SKA2: variants seen among roughly 807,000 people sequenced by gnomAD.
SKA2 encodes the protein spindle and kinetochore-associated protein 2.
In SKA2, 13 loss-of-function variants were observed where a neutral mutation model predicts 16.9. The ratio of observed to expected loss-of-function variants is 0.77; its 90% CI spans 0.50 to 1.22. The LOEUF (loss-of-function observed/expected upper bound fraction) is 1.22, where lower values mean the gene tolerates loss of function less well. SKA2 is among the 50% of genes most tolerant of loss of function. SKA2 has a pLI of 0.00. For missense variants in SKA2, 107 were observed against 139.7 expected, an observed-to-expected ratio of 0.77 and a Z score of 1.18; for synonymous variants, 47 against 48.5, an observed-to-expected ratio of 0.97 and a Z score of 0.13.
chr17:59,143,720 G>A lies in SKA2; in HGVS notation c.33+11411C>T, dbSNP rs554553170. Among the ~76,000 whole-genome samples, 20 of 151,868 alleles carry A rather than the reference G, an allele frequency of 1.3e-4. No homozygotes were observed. The South Asian group carries it at 3.3e-3, about 25-fold the overall frequency. On this transcript the variant is annotated intron_variant, in intron 1 of 3. Transcript: ENST00000330137. ...ACTCCTGACCTCAGGTGATCCTCTC[G>A]CCACGGCCTCCCAAATGCTGCGATT... is the stretch of plus-strand genomic sequence containing the variant.
intron 1 of SKA2, among the ~76,000 whole-genome samples, chr17:59,152,160 A>G (rs1189763679): frequency 6.6e-6 from 1 of 152,228 alleles, no homozygotes; most frequent in Non-Finnish European, 1.5e-5. Flanking sequence ...CCACGAAAGA[A>G]CAAAGCTAAA....
At chr17:59,151,205 G>A in intron 1 of SKA2, 1 of 510,368 alleles carries the variant, frequency 2.0e-6, no homozygotes, top group South Asian at 1.5e-5. Flanking sequence ...AATAAAGTCA[G>A]AGCATTCGTT....
intron 3 of SKA2, among the ~76,000 whole-genome samples, chr17:59,114,335 C>T (rs1232144152): frequency 6.6e-6 from 1 of 152,194 alleles, no homozygotes; most frequent in African/African-American, 2.4e-5. Context: ...CTGAGAAATG[C>T]ATCGTTAGGC....
rs143332002 is a variant in SKA2 at position 59,150,669 on chromosome 17, G to A, written c.33+4462C>T. 1.4e-3 allele frequency among the ~76,000 whole-genome samples: 209 copies of A among 152,226 alleles called. 5 individuals are homozygous for A. The East Asian group carries it at 0.035, about 25-fold the overall frequency. On this transcript the variant is annotated intron_variant, in intron 1 of 3. Transcript: ENST00000330137. ...AGGAGGGAGGATTATCTAAGCCCGGGAGTACAAGGCTGCAGTGAGGTGTAA... is the reference window on the plus strand; with the variant it reads ...AGGAGGGAGGATTATCTAAGCCCGGAAGTACAAGGCTGCAGTGAGGTGTAA...
intron 2 of SKA2, among the ~76,000 whole-genome samples, chr17:59,124,736 G>A (rs954434991): frequency 2.0e-5 from 3 of 152,128 alleles, no homozygotes; most frequent in African/African-American, 4.8e-5. Flanking sequence ...TGGCCATAGA[G>A]CTAAAAGAGA....
intron 1 of SKA2, among the ~76,000 whole-genome samples, chr17:59,142,254 G>C (rs1008841147): frequency 6.6e-6 from 1 of 150,792 alleles, no homozygotes; most frequent in Non-Finnish European, 1.5e-5. Context: ...GTTATTGCAC[G>C]AATATTCAGA....
At chr17:59,133,618 G>A (rs1016433058) in intron 1 of SKA2, among the ~76,000 whole-genome samples, 2 of 152,146 alleles carry the variant, frequency 1.3e-5, no homozygotes, top group African/African-American at 4.8e-5. Flanking sequence ...GTATATAAAA[G>A]GTTCTATTAG....
At chr17:59,141,464 G>T (rs1356380294) in intron 1 of SKA2, among the ~76,000 whole-genome samples, 1 of 151,970 alleles carries the variant, frequency 6.6e-6, no homozygotes, top group Non-Finnish European at 1.5e-5. Flanking sequence ...AGTGGCTCAG[G>T]CCTGTAATCC....
chr17:59,126,467 T>C (rs1229552405), intron 2 of SKA2, among the ~76,000 whole-genome samples: 1 of 152,160 alleles, frequency 6.6e-6, no homozygotes, highest in African/African-American at 2.4e-5. Flanking sequence ...ATAGTAATGT[T>C]CAATAAATAT....
chr17:59,134,878 A>G (rs912498251), intron 1 of SKA2, among the ~76,000 whole-genome samples: 1 of 152,214 alleles, frequency 6.6e-6, no homozygotes, highest in African/African-American at 2.4e-5. Flanking sequence ...TCTGTCATAC[A>G]AGCAGGAGTG....
intron 1 of SKA2, among the ~76,000 whole-genome samples, chr17:59,152,752 C>T (rs1373523566): frequency 6.6e-6 from 1 of 151,626 alleles, no homozygotes; most frequent in African/African-American, 2.4e-5. Context: ...AGATGAGATG[C>T]ACTGTCTTTT....
chr17:59,153,591 G>A (rs1277873764), intron 1 of SKA2, among the ~76,000 whole-genome samples: 1 of 152,070 alleles, frequency 6.6e-6, no homozygotes, highest in African/African-American at 2.4e-5. Flanking sequence ...GGTGGGAATG[G>A]GGGGTGGGTG....
At chr17:59,117,697 T>C (rs968358364) in intron 3 of SKA2, among the ~76,000 whole-genome samples, 7 of 152,082 alleles carry the variant, frequency 4.6e-5, no homozygotes, top group African/African-American at 1.4e-4. Flanking sequence ...AGTGCCAAGA[T>C]TATAGGCATG....
At chr17:59,135,465 G>A (rs926042957) in intron 1 of SKA2, among the ~76,000 whole-genome samples, 14 of 151,544 alleles carry the variant, frequency 9.2e-5, no homozygotes, top group Non-Finnish European at 2.1e-4. Context: ...ACAGGCACCC[G>A]CCACCACACC....
At chr17:59,119,626 G>C (rs2046319693) in intron 2 of SKA2, 131 bp from the exon 3 acceptor site, 1 of 798,574 alleles carries the variant, frequency 1.3e-6, no homozygotes, top group Non-Finnish European at 2.0e-6. Context: ...TAATTATGCA[G>C]CCACATGACA....
At chr17:59,138,943 T>A (rs1218848331) in intron 1 of SKA2, among the ~76,000 whole-genome samples, 1 of 152,178 alleles carries the variant, frequency 6.6e-6, no homozygotes, top group Non-Finnish European at 1.5e-5. Context: ...AAAGGACCAG[T>A]GCCCTTAAAG....
chr17:59,140,613 A>AT (rs1294269978), intron 1 of SKA2, among the ~76,000 whole-genome samples: 1 of 151,028 alleles, frequency 6.6e-6, no homozygotes, highest in African/African-American at 2.4e-5. Context: ...TGTACTATTT[A>AT]TTTTTTTATT....
chr17:59,141,274 G>A (rs2046486906), intron 1 of SKA2, among the ~76,000 whole-genome samples: 1 of 152,098 alleles, frequency 6.6e-6, no homozygotes, highest in Non-Finnish European at 1.5e-5. Context: ...GCGTGCGCCT[G>A]TAGTCCCAGC....
intron 1 of SKA2, among the ~76,000 whole-genome samples, chr17:59,132,088 G>T (rs1268380325): frequency 1.4e-4 from 22 of 152,318 alleles, no homozygotes; most frequent in Non-Finnish European, 7.4e-5. Flanking sequence ...GGGCACAGTG[G>T]TTCACACCTG....
Sources: gnomAD v4.1 joint callset for allele counts (sites outside exome capture counted in the v4.1 genomes callset) on GRCh38, gnomAD v4.1.1 for gene constraint, MANE v1.5 for transcripts, NCBI Gene and HGNC (gene_info 2026-07-23, HGNC 2026-07-21) for gene names.